The following TSHZ2 variants were observed in gnomAD, a reference collection of about 807,000 sequenced individuals.
TSHZ2 encodes the protein teashirt homolog 2.
A neutral mutation model predicts 74.4 loss-of-function variants in TSHZ2; 21 were observed. That is an observed-to-expected ratio of 0.28 (90% CI 0.20 to 0.41). The LOEUF is 0.41. Ranked by LOEUF, TSHZ2 falls within the 10% of genes least tolerant of loss-of-function variation. The pLI is 1.00. For synonymous variants in TSHZ2, 540 were observed against 515.3 expected, an observed-to-expected ratio of 1.05 and a Z score of -0.65; for missense variants, 1,244 against 1,293.5, an observed-to-expected ratio of 0.96 and a Z score of 0.59.
chr20:53,282,322 G>A (rs755085447), intron 2 of TSHZ2, among the ~76,000 whole-genome samples: 2 of 152,172 alleles, frequency 1.3e-5, no homozygotes, highest in Non-Finnish European at 2.9e-5. Context: ...AAATATACAG[G>A]AATCACGTTT....
At chr20:53,311,075 G>A (rs1006589205) in intron 2 of TSHZ2, among the ~76,000 whole-genome samples, 5 of 152,178 alleles carry the variant, frequency 3.3e-5, no homozygotes, top group Non-Finnish European at 7.3e-5. Context: ...TGTAAAGCAA[G>A]GTATACCTTG....
At chr20:53,141,978 C>T (rs1987411024) in intron 1 of TSHZ2, among the ~76,000 whole-genome samples, 1 of 152,202 alleles carries the variant, frequency 6.6e-6, no homozygotes, top group Admixed American at 6.5e-5. Context: ...AAGTGGATGT[C>T]AGGGACGGTG....
chr20:53,212,245 C>A (rs1428015033), intron 1 of TSHZ2, among the ~76,000 whole-genome samples: 1 of 152,128 alleles, frequency 6.6e-6, no homozygotes, highest in Non-Finnish European at 1.5e-5. Flanking sequence ...TAAAGTGTTA[C>A]ATGAGCAATG....
chr20:53,085,931 C>G (rs1462797368), intron 1 of TSHZ2, among the ~76,000 whole-genome samples: 1 of 152,216 alleles, frequency 6.6e-6, no homozygotes, highest in African/African-American at 2.4e-5. Context: ...AAGTTCTCCT[C>G]TCCAGCTGCG....
intron 2 of TSHZ2, among the ~76,000 whole-genome samples, chr20:53,462,882 C>T (rs183535906): frequency 6.6e-6 from 1 of 152,272 alleles, no homozygotes; most frequent in East Asian, 1.9e-4. Context: ...CCTCTAATAA[C>T]CATAGTGACC....
chr20:53,266,484 C>G (rs1239108010), intron 2 of TSHZ2, among the ~76,000 whole-genome samples: 2 of 152,206 alleles, frequency 1.3e-5, no homozygotes, highest in East Asian at 1.9e-4. Flanking sequence ...CAAGGCAACA[C>G]AGTTTGTTCT....
At chr20:53,324,872 G>C (rs914136068) in intron 2 of TSHZ2, among the ~76,000 whole-genome samples, 1 of 152,164 alleles carries the variant, frequency 6.6e-6, no homozygotes, top group Non-Finnish European at 1.5e-5. Context: ...ACCCTGTGTC[G>C]GGACAGCCAG....
At chr20:53,388,977 A>G (rs1982153828) in intron 2 of TSHZ2, among the ~76,000 whole-genome samples, 1 of 152,206 alleles carries the variant, frequency 6.6e-6, no homozygotes, top group African/African-American at 2.4e-5. Context: ...CACTTATATT[A>G]TGTAGTTTAA....
intron 1 of TSHZ2, among the ~76,000 whole-genome samples, chr20:53,028,921 T>C (rs1983542338): frequency 6.6e-6 from 1 of 152,208 alleles, no homozygotes; most frequent in Non-Finnish European, 1.5e-5. Flanking sequence ...ACTGAACAGT[T>C]CTTGGCTTTT....
chr20:53,155,054 T>A (rs1235891321), intron 1 of TSHZ2, among the ~76,000 whole-genome samples: 4 of 101,814 alleles, frequency 3.9e-5, no homozygotes, highest in African/African-American at 2.5e-4. Flanking sequence ...GAATATGCAT[T>A]TTTTTTTTTT....
At chr20:53,262,215 T>A (rs76939024) in intron 2 of TSHZ2, among the ~76,000 whole-genome samples, 225 of 135,718 alleles carry the variant, frequency 1.7e-3, no homozygotes, top group Non-Finnish European at 2.8e-3. Flanking sequence ...CATTTCTCTT[T>A]GTCTTTTTCT....
chr20:53,472,473 G>A (rs1169548047), intron 2 of TSHZ2, among the ~76,000 whole-genome samples: 2 of 152,186 alleles, frequency 1.3e-5, no homozygotes, highest in South Asian at 2.1e-4. Flanking sequence ...GATTGGGGGT[G>A]CAAGCACCCT....
chr20:53,366,211 C>T (rs1981252017), intron 2 of TSHZ2, among the ~76,000 whole-genome samples: 1 of 152,194 alleles, frequency 6.6e-6, no homozygotes, highest in Non-Finnish European at 1.5e-5. Context: ...CCGGGATTCA[C>T]TGCCCACTGT....
intron 2 of TSHZ2, among the ~76,000 whole-genome samples, chr20:53,482,254 C>A (rs139152954): frequency 2.6e-5 from 4 of 151,560 alleles, no homozygotes; most frequent in Non-Finnish European, 5.9e-5. Context: ...GTTGAAGAGA[C>A]AAGAATGACC....
chr20:53,304,419 GTCT>G (rs1172783818), intron 2 of TSHZ2, among the ~76,000 whole-genome samples: 7 of 151,908 alleles, frequency 4.6e-5, no homozygotes, highest in Non-Finnish European at 5.9e-5. Context: ...CAAAAGTCCA[GTCT>G]TGGTCTAGGC....
chr20:53,076,848 A>C (rs1600678443), intron 1 of TSHZ2, among the ~76,000 whole-genome samples: 2 of 152,230 alleles, frequency 1.3e-5, no homozygotes, highest in African/African-American at 4.8e-5. Flanking sequence ...TTGCAGATGC[A>C]TAATTCATTT....
chr20:53,176,752 T>C lies in TSHZ2; in HGVS notation c.41-76747T>C, dbSNP rs538042348. Among the ~76,000 whole-genome samples the C allele has an allele frequency of 1.0e-3, 156 of 151,586 alleles. 1 individual carries two copies. Among genetic ancestry groups the C allele is most frequent in the African/African-American group, 3.6e-3 (150 of 41,372 alleles). ...ACCAGGCTGGAGTGCAGTGGTGCAATCTCGGCTCACTGCAACCTCCGCCCC... is the reference window on the plus strand; with the variant it reads ...ACCAGGCTGGAGTGCAGTGGTGCAACCTCGGCTCACTGCAACCTCCGCCCC... On this transcript the variant is annotated intron_variant, in intron 1 of 2. Coordinates refer to ENST00000371497, the MANE Select transcript of TSHZ2 (RefSeq NM_173485.6).
chr20:53,297,419 C>A (rs1991400027), intron 2 of TSHZ2, among the ~76,000 whole-genome samples: 1 of 151,960 alleles, frequency 6.6e-6, no homozygotes, highest in South Asian at 2.1e-4. Flanking sequence ...CCAGCTAATG[C>A]TTTAATTAGC....
intron 2 of TSHZ2, among the ~76,000 whole-genome samples, chr20:53,344,339 A>G (rs1407558607): frequency 1.3e-5 from 2 of 152,146 alleles, no homozygotes; most frequent in Non-Finnish European, 2.9e-5. Context: ...GGAAGGTCAT[A>G]TTGTTATTCC....
Sources: allele counts gnomAD v4.1 joint callset (sites outside exome capture counted in the v4.1 genomes callset), GRCh38; gene constraint gnomAD v4.1.1; transcripts MANE v1.5; gene names NCBI Gene and HGNC (gene_info 2026-07-23, HGNC 2026-07-21).